ARFGEF3: variants seen among roughly 807,000 people sequenced by gnomAD.
ARFGEF3 encodes ARFGEF family member 3, also known as brefeldin A-inhibited guanine nucleotide-exchange protein 3.
Under a neutral mutation model 221.7 loss-of-function variants are expected in ARFGEF3, and 96 were observed. The observed-to-expected ratio is 0.43, with a 90% confidence interval of 0.37 to 0.51. The LOEUF (loss-of-function observed/expected upper bound fraction) is 0.51, where lower values mean the gene tolerates loss of function less well. ARFGEF3 is among the 20% of genes least tolerant of loss of function. The pLI is 0.00. For synonymous variants in ARFGEF3, 1,145 were observed against 1,126.8 expected (o/e 1.02, Z -0.32); for missense variants, 2,410 against 2,789.9 (o/e 0.86, Z 3.07).
At chr6:138,200,605 G>A (rs1327476480) in intron 2 of ARFGEF3, among the ~76,000 whole-genome samples, 1 of 152,128 alleles carries the variant, frequency 6.6e-6, no homozygotes, top group African/African-American at 2.4e-5. Flanking sequence ...ATGGTGCTGG[G>A]ATAATTGGCT....
intron 2 of ARFGEF3, among the ~76,000 whole-genome samples, chr6:138,199,414 A>G (rs1296073111): frequency 3.3e-5 from 5 of 152,204 alleles, no homozygotes; most frequent in African/African-American, 9.7e-5. Context: ...CTTCTCACCC[A>G]GAGCATCAAA....
At chr6:138,267,641 T>G (rs1438813650) in intron 12 of ARFGEF3, among the ~76,000 whole-genome samples, 1 of 152,272 alleles carries the variant, frequency 6.6e-6, no homozygotes, top group Non-Finnish European at 1.5e-5. Flanking sequence ...TTTTTAAAAT[T>G]TGAGGCTAAA....
intron 28 of ARFGEF3, among the ~76,000 whole-genome samples, chr6:138,320,782 G>A (rs1780009528): frequency 2.6e-5 from 4 of 152,180 alleles, no homozygotes. Flanking sequence ...CCTAAGGGTA[G>A]CCACATGTTC....
At chr6:138,259,429 C>T (rs1308017190) in intron 10 of ARFGEF3, among the ~76,000 whole-genome samples, 3 of 152,192 alleles carry the variant, frequency 2.0e-5, no homozygotes, top group Non-Finnish European at 4.4e-5. Context: ...CACTTTGCTT[C>T]CTTTTCTCTC....
At chr6:138,236,388 G>A (rs1051603944) in intron 5 of ARFGEF3, among the ~76,000 whole-genome samples, 1 of 152,190 alleles carries the variant, frequency 6.6e-6, no homozygotes, top group Non-Finnish European at 1.5e-5. Context: ...GGAGAGTTTG[G>A]CTTCATCAAA....
intron 2 of ARFGEF3, among the ~76,000 whole-genome samples, chr6:138,197,753 C>G (rs993997497): frequency 1.8e-4 from 28 of 152,282 alleles, no homozygotes; most frequent in African/African-American, 6.5e-4. Flanking sequence ...TGCCTGAGCT[C>G]TCAGCACGGT....
Position 138,264,554 on chromosome 6 carries a change from C to T in ARFGEF3, c.2128+943C>T, listed in dbSNP as rs369914339. 2.6e-5 allele frequency among the ~76,000 whole-genome samples: 4 copies of T among 152,294 alleles called. No homozygotes were observed. In the East Asian group the frequency reaches 5.8e-4, roughly 22 times the overall value. On this transcript the variant is annotated intron_variant, in intron 12 of 33. Transcript: ENST00000251691. ...CACAGAACTGCTAAAAAGCCATGAT[C>T]ACCACTTGCTCTTCTACCACTTAAC...
intron 2 of ARFGEF3, among the ~76,000 whole-genome samples, chr6:138,183,954 T>A (rs1777131089): frequency 6.6e-6 from 1 of 152,166 alleles, no homozygotes; most frequent in Admixed American, 6.5e-5. Flanking sequence ...TGCCCCTTTG[T>A]ATCTCCCCCA....
chr6:138,319,833 G>C lies in ARFGEF3; in HGVS notation c.4605G>C (p.Leu1535=). 1.2e-6 allele frequency: 2 copies of C among 1,614,038 alleles called. No homozygotes were observed. Among genetic ancestry groups the C allele is most frequent in the Non-Finnish European group, 8.5e-7 (1 of 1,179,898 alleles). ...CCAATTTCAAGCACGCTATTGGTCT[G>C]TCCTGTGAGCTGGTGGTGGAGCACA... ...ASANFKHAIG[L]SCELVVEHIQ... is the part of the protein sequence containing the mutation. Residue 1535 remains leucine, a synonymous_variant, in exon 28 of 34, where the codon CTG becomes CTC. Coordinates refer to ENST00000251691, the MANE Select transcript of ARFGEF3 (RefSeq NM_020340.5).
At chr6:138,281,094 A>G (rs1779188758) in intron 14 of ARFGEF3, among the ~76,000 whole-genome samples, 1 of 152,198 alleles carries the variant, frequency 6.6e-6, no homozygotes, top group South Asian at 2.1e-4. Flanking sequence ...GTTTAAAGGA[A>G]AAATGAGGAG....
intron 22 of ARFGEF3, among the ~76,000 whole-genome samples, chr6:138,301,104 T>G (rs1199916931): frequency 1.3e-5 from 2 of 152,170 alleles, no homozygotes; most frequent in African/African-American, 4.8e-5. Context: ...ATAACAGTGC[T>G]TAAATGTGTT....
chr6:138,336,357 C>CA lies in ARFGEF3; in HGVS notation c.6406dup (p.Thr2136AsnfsTer39). 1 of 1,611,634 alleles carries CA rather than the reference C, an allele frequency of 6.2e-7. No homozygotes were observed. Among genetic ancestry groups the CA allele is most frequent in the Non-Finnish European group, 8.5e-7 (1 of 1,179,024 alleles). On this transcript the variant is annotated frameshift_variant, in exon 34 of 34. Coordinates refer to ENST00000251691, the MANE Select transcript of ARFGEF3 (RefSeq NM_020340.5). LOFTEE classifies it high-confidence loss of function. The stretch of plus-strand genomic sequence containing the variant: ...TTCAGATTCTCCCAGACCAGACCTT[C>CA]ACGGCCCTCCAGCCCGCAGTGTTCC...
At chr6:138,177,786 C>T (rs543539420) in intron 2 of ARFGEF3, among the ~76,000 whole-genome samples, 1 of 151,838 alleles carries the variant, frequency 6.6e-6, no homozygotes, top group Non-Finnish European at 1.5e-5. Flanking sequence ...TTTGTAATTC[C>T]TTCAATGAAT....
At chr6:138,200,950 A>C (rs2114483806) in intron 2 of ARFGEF3, among the ~76,000 whole-genome samples, 2 of 152,360 alleles carry the variant, frequency 1.3e-5, no homozygotes, top group Non-Finnish European at 2.9e-5. Context: ...AATATCCAGA[A>C]TCTACAATGA....
chr6:138,218,025 A>G (rs766396752), intron 4 of ARFGEF3: 14 of 1,612,298 alleles, frequency 8.7e-6, no homozygotes, highest in Non-Finnish European at 1.2e-5. Context: ...GGATAAGTAG[A>G]GAAGACAGCA....
chr6:138,297,173 G>A (rs1207900154), intron 21 of ARFGEF3, among the ~76,000 whole-genome samples: 1 of 152,204 alleles, frequency 6.6e-6, no homozygotes, highest in East Asian at 1.9e-4. Flanking sequence ...GTCTCACTCT[G>A]ACCCTCTTTC....
rs753261727 is a variant in ARFGEF3 at position 138,263,311 on chromosome 6, T to C, written c.1828T>C (p.Ser610Pro). 38 of 1,613,852 alleles carry C rather than the reference T, an allele frequency of 2.4e-5. No individual in the cohort carries two copies. Among genetic ancestry groups the C allele is most frequent in the Non-Finnish European group, 2.9e-5 (34 of 1,179,894 alleles). ...AGACCTTTCTAGGACAGAGTTTGAT[T>C]CCTGTGATCAGTACTCTATGGCAGC... ...DQDLSRTEFDSCDQYSMAAEK... is the reference protein window; with the variant it reads ...DQDLSRTEFDPCDQYSMAAEK... The change falls in exon 12 of 34, where the codon TCC becomes CCC. Residue 610 changes from serine to proline, a missense_variant. By Grantham distance (74) the Ser-to-Pro change is moderately conservative. Coordinates refer to ENST00000251691, the MANE Select transcript of ARFGEF3 (RefSeq NM_020340.5).
chr6:138,246,609 C>G (rs565365453), intron 8 of ARFGEF3, among the ~76,000 whole-genome samples: 25 of 152,288 alleles, frequency 1.6e-4, no homozygotes, highest in African/African-American at 5.8e-4. Flanking sequence ...TAAGTCACCT[C>G]TATATTTTGA....
intron 6 of ARFGEF3, 21 bp downstream of exon 6, chr6:138,238,652 T>G (rs777833988): frequency 1.2e-6 from 2 of 1,611,012 alleles, no homozygotes; most frequent in Non-Finnish European, 1.7e-6. Flanking sequence ...GACACCCCCA[T>G]GTTCATCACC....
Sources: gnomAD v4.1 joint callset for allele counts (sites outside exome capture counted in the v4.1 genomes callset) on GRCh38, gnomAD v4.1.1 for gene constraint, MANE v1.5 for transcripts, NCBI Gene and HGNC (gene_info 2026-07-23, HGNC 2026-07-21) for gene names.